VSIR: variants seen among roughly 807,000 people sequenced by gnomAD.
VSIR encodes V-set immunoregulatory receptor.
A neutral mutation model predicts 31.0 loss-of-function variants in VSIR; 10 were observed. That is an observed-to-expected ratio of 0.32 (90% CI 0.20 to 0.55). The LOEUF (loss-of-function observed/expected upper bound fraction) is 0.55. VSIR is among the 20% of genes least tolerant of loss of function. The pLI, the probability that VSIR is intolerant of heterozygous loss-of-function variation, is 0.93. For synonymous variants in VSIR, 179 were observed against 180.1 expected, an observed-to-expected ratio of 0.99 and a Z score of 0.05; for missense variants, 356 against 416.2, an observed-to-expected ratio of 0.86 and a Z score of 1.26.
rs1417676631 is a variant in VSIR at position 71,773,486 on chromosome 10, G to A, written c.-47C>T. ...GAACTTCTGGTGCCGGGGAGCGGGC[G>A]GGACGCGGCCGGCGCGGGGAAGCCT... On this transcript the variant is annotated 5_prime_UTR_variant, in exon 1 of 7. Coordinates refer to ENST00000394957, the MANE Select transcript of VSIR (RefSeq NM_022153.2). 1.4e-5 allele frequency: 21 copies of A among 1,544,556 alleles called. No homozygotes were observed. The highest frequency in any genetic ancestry group is 1.8e-5 in the Non-Finnish European group (21 of 1,139,344).
intron 3 of VSIR, among the ~76,000 whole-genome samples, chr10:71,759,874 C>CACACACAGATATATAT (rs1840264854): frequency 1.4e-5 from 1 of 70,274 alleles, no homozygotes. Flanking sequence ...CATATATATA[C>CACACACAGATATATAT]ACACACACAC....
intron 1 of VSIR, among the ~76,000 whole-genome samples, chr10:71,762,985 G>C (rs138093953): frequency 1.3e-5 from 2 of 152,188 alleles, no homozygotes; most frequent in African/African-American, 4.8e-5. Context: ...ATATTGGATA[G>C]AGGCCGCGTT....
At chr10:71,758,347 G>T (rs1840203806) in intron 3 of VSIR, among the ~76,000 whole-genome samples, 2 of 152,196 alleles carry the variant, frequency 1.3e-5, no homozygotes, top group Non-Finnish European at 2.9e-5. Context: ...CCTAGCAGGG[G>T]CTGGTCCCCA....
intron 3 of VSIR, among the ~76,000 whole-genome samples, chr10:71,759,886 TATACACAC>T (rs1840267235): frequency 5.1e-5 from 3 of 58,682 alleles, no homozygotes; most frequent in East Asian, 4.6e-4. Flanking sequence ...CACACACACA[TATACACAC>T]ACACATATAT....
At chr10:71,771,182 G>A (rs7905535) in intron 1 of VSIR, among the ~76,000 whole-genome samples, 52,658 of 152,000 alleles carry the variant, frequency 0.35, 9,677 homozygotes, top group South Asian at 0.47. Context: ...TGTCTGTGGG[G>A]AAGAAGAGGC....
rs1840255897 is a variant in VSIR at position 71,759,836 on chromosome 10, C to CACATATATATACACACACACATATATAT, written c.568+1031_568+1032insATATATATGTGTGTGTGTATATATATGT. Among the ~76,000 whole-genome samples the CACATATATATACACACACACATATATAT allele has an allele frequency of 4.1e-4, 29 of 71,420 alleles. 3 individuals carry two copies. The highest frequency in any genetic ancestry group is 8.6e-4 in the Non-Finnish European group (23 of 26,808). 46.9% of individuals were successfully genotyped at this position (71,420 alleles called of 152,430 possible). On this transcript the variant is annotated intron_variant, in intron 3 of 6. Transcript: ENST00000394957. Reference sequence around the variant, plus strand: ...CAGAAAATATACACACACACACACACACACACACACATATACACACACACA... The same window carrying CACATATATATACACACACACATATATAT: ...CAGAAAATATACACACACACACACACACATATATATACACACACACATATATATACACACACACATATACACACACACA...
rs902703463 is a variant in VSIR at position 71,749,910 on chromosome 10, T to A, written c.*1343A>T. On this transcript the variant is annotated 3_prime_UTR_variant, in exon 7 of 7. Coordinates refer to ENST00000394957, the MANE Select transcript of VSIR (RefSeq NM_022153.2). ...GCTCAGCAGAGCCAGTGTAGGCTGC[T>A]AGGAGACAAATGCCCAGGCTGGACT... 7.2e-5 allele frequency: 11 copies of A among 151,920 alleles called. No homozygotes were observed. The highest frequency in any genetic ancestry group is 2.7e-4 in the African/African-American group (11 of 41,250). 9.4% of individuals were successfully genotyped at this position (151,920 alleles called of 1,614,324 possible). A position where few individuals can be genotyped will look rare whatever the true frequency, so the allele number is the denominator to read the frequency against.
At chr10:71,755,063 A>G (rs1273814220) in intron 4 of VSIR, 2 of 551,892 alleles carry the variant, frequency 3.6e-6, no homozygotes, top group Non-Finnish European at 3.5e-6. Flanking sequence ...ACTTGCTTTT[A>G]TAAAGCAACT....
chr10:71,751,331 C>G lies in VSIR; in HGVS notation c.899-41G>C. On this transcript the variant is annotated intron_variant, in intron 6 of 6. Transcript: ENST00000394957. The surrounding 1 kb of genome is among the most constrained non-coding windows in gnomAD (Gnocchi z 4.9). ...AAGCAAAGTGAACGGGGCCCCTCTG[C>G]CCCTCACCCTCAACCCCACCCCGTG... 1 of 1,591,110 alleles carries G rather than the reference C, an allele frequency of 6.3e-7. No homozygotes were observed. Among genetic ancestry groups the G allele is most frequent in the Non-Finnish European group, 8.6e-7 (1 of 1,167,444 alleles).
chr10:71,764,652 G>A (rs970246346), intron 1 of VSIR, among the ~76,000 whole-genome samples: 3 of 152,242 alleles, frequency 2.0e-5, no homozygotes, highest in African/African-American at 4.8e-5. Flanking sequence ...ACTCCAGTTC[G>A]CCAGAGTCCG....
At chr10:71,767,761 G>A (rs888132189) in intron 1 of VSIR, among the ~76,000 whole-genome samples, 5 of 152,242 alleles carry the variant, frequency 3.3e-5, no homozygotes, top group African/African-American at 1.2e-4. Context: ...TCTCAGATGT[G>A]TTTATTGATA....
At position 71,755,360 on chromosome 10, in the gene VSIR, G is replaced by A. The variant is rs1359391512; in HGVS notation, c.675C>T (p.Arg225=). 1 of 1,604,512 alleles carries A rather than the reference G, an allele frequency of 6.2e-7. No homozygotes were observed. The highest frequency in any genetic ancestry group is 1.3e-5 in the African/African-American group (1 of 74,876). Residue 225 remains arginine, a splice_region_variant and synonymous_variant, in exon 4 of 7, where the codon CGC becomes CGT. Transcript: ENST00000394957. ...CCCCAGGCAGGGAGGAATACTCACGGCGGTTGGAGGCTGCCTGCCTTTGCT... is the reference window on the plus strand; with the variant it reads ...CCCCAGGCAGGGAGGAATACTCACGACGGTTGGAGGCTGCCTGCCTTTGCT... ...VYKQRQAASN[R]RAQELVRMDS...
Position 71,760,017 on chromosome 10 carries a change from A to C in VSIR, c.568+851T>G, listed in dbSNP as rs575658757. Among the ~76,000 whole-genome samples the C allele has an allele frequency of 7.8e-4, 84 of 107,100 alleles. 5 individuals carry two copies. Among genetic ancestry groups the C allele is most frequent in the African/African-American group, 2.7e-3 (82 of 30,936 alleles). 70.3% of individuals were successfully genotyped at this position (107,100 alleles called of 152,430 possible). A position where few individuals can be genotyped will look rare whatever the true frequency, so the allele number is the denominator to read the frequency against. ...CACACACATACATATATATACACAC[A>C]CACATATATACACACACACACATAT... On this transcript the variant is annotated intron_variant, in intron 3 of 6. Coordinates refer to ENST00000394957, the MANE Select transcript of VSIR (RefSeq NM_022153.2).
intron 3 of VSIR, among the ~76,000 whole-genome samples, chr10:71,756,472 G>A (rs565123448): frequency 2.0e-5 from 3 of 152,306 alleles, no homozygotes; most frequent in Non-Finnish European, 2.9e-5. Context: ...ACTTGTGCAC[G>A]CAGCCTGGCT....
chr10:71,760,145 ATG>A (rs201152465), intron 3 of VSIR, among the ~76,000 whole-genome samples: 7,503 of 42,174 alleles, frequency 0.18, 2,917 homozygotes, highest in Non-Finnish European at 0.27. Flanking sequence ...ATACATATAT[ATG>A]TGTGTATATA....
rs181827786 is a variant in VSIR, at chr10:71,773,482, G to A, written c.-43C>T. The A allele has an allele frequency of 9.5e-4, 1,479 of 1,549,874 alleles. 13 individuals are homozygous for A. In the African/African-American group the frequency reaches 0.018, roughly 18 times the overall value. ...AGAGGAACTTCTGGTGCCGGGGAGCGGGCGGGACGCGGCCGGCGCGGGGAA... is the reference window on the plus strand; with the variant it reads ...AGAGGAACTTCTGGTGCCGGGGAGCAGGCGGGACGCGGCCGGCGCGGGGAA... On this transcript the variant is annotated 5_prime_UTR_variant, in exon 1 of 7. Coordinates refer to ENST00000394957, the MANE Select transcript of VSIR (RefSeq NM_022153.2).
At chr10:71,772,685 AAG>A (rs1840715057) in intron 1 of VSIR, among the ~76,000 whole-genome samples, 1 of 152,214 alleles carries the variant, frequency 6.6e-6, no homozygotes, top group Non-Finnish European at 1.5e-5. Flanking sequence ...AGCTGAGCTG[AAG>A]AGTGTCCCAC....
intron 1 of VSIR, among the ~76,000 whole-genome samples, chr10:71,766,646 G>C (rs1272744625): frequency 6.6e-6 from 1 of 152,206 alleles, no homozygotes; most frequent in African/African-American, 2.4e-5. Context: ...CTAGGCTCTT[G>C]CTGAGCATCT....
At chr10:71,752,929 T>C in intron 5 of VSIR, 46 bp downstream of exon 5, 1 of 1,603,906 alleles carries the variant, frequency 6.2e-7, no homozygotes, top group Non-Finnish European at 8.5e-7. Flanking sequence ...TCTTCCTGGA[T>C]AGCCGGCCCA....
Sources: gnomAD v4.1 joint callset for allele counts (sites outside exome capture counted in the v4.1 genomes callset) on GRCh38, gnomAD v4.1.1 for gene constraint, Gnocchi (gnomAD v3.1) non-coding constraint, MANE v1.5 for transcripts, NCBI Gene and HGNC (gene_info 2026-07-23, HGNC 2026-07-21) for gene names.